Variants in HS3ST4 observed in about 807,000 individuals in gnomAD.
The protein encoded by HS3ST4 is heparan sulfate glucosamine 3-O-sulfotransferase 4.
A neutral mutation model predicts 29.2 loss-of-function variants in HS3ST4; 17 were observed. The ratio of observed to expected loss-of-function variants is 0.58; its 90% CI spans 0.40 to 0.87. The LOEUF (loss-of-function observed/expected upper bound fraction) is 0.87, where lower values mean the gene tolerates loss of function less well. HS3ST4 is among the 40% of genes least tolerant of loss of function. The probability of loss-of-function intolerance (pLI) is 0.00; values close to 1 mark genes in which losing one functional copy is unlikely to be tolerated. For synonymous variants in HS3ST4, 314 were observed against 285.7 expected (o/e 1.10, Z -1.00); for missense variants, 627 against 634.5 (o/e 0.99, Z 0.13).
At position 26,064,828 on chromosome 16, in the gene HS3ST4, G is replaced by C. The variant is rs1392479884; in HGVS notation, c.735-70784G>C. Among the ~76,000 whole-genome samples, 4 of 152,002 alleles carry C rather than the reference G, an allele frequency of 2.6e-5. No individual in the cohort carries two copies. In the East Asian group the frequency reaches 5.8e-4, roughly 22 times the overall value. On this transcript the variant is annotated intron_variant, in intron 1 of 1. Coordinates refer to ENST00000331351, the MANE Select transcript of HS3ST4 (RefSeq NM_006040.3). ...GACGAGGTTTCCCCATGTTGGTCAGGCTGGTCTCGAACTCCCAACCTCAGG... is the reference window on the plus strand; with the variant it reads ...GACGAGGTTTCCCCATGTTGGTCAGCCTGGTCTCGAACTCCCAACCTCAGG...
At chr16:25,922,102 G>A (rs373380323) in intron 1 of HS3ST4, among the ~76,000 whole-genome samples, 80 of 152,238 alleles carry the variant, frequency 5.3e-4, no homozygotes, top group African/African-American at 1.9e-3. Flanking sequence ...TAATGGCCAT[G>A]GGCTGACTTA....
intron 1 of HS3ST4, among the ~76,000 whole-genome samples, chr16:25,872,733 A>T (rs539460621): frequency 6.6e-6 from 1 of 152,340 alleles, no homozygotes. Flanking sequence ...ACAAGGCTAG[A>T]TTCAAAGAGT....
At chr16:26,047,563 A>G (rs1293010029) in intron 1 of HS3ST4, among the ~76,000 whole-genome samples, 2 of 152,190 alleles carry the variant, frequency 1.3e-5, no homozygotes, top group Non-Finnish European at 2.9e-5. Context: ...TTTCCAGGTG[A>G]GAAGATGAGA....
chr16:25,737,833 G>A (rs1966620708), intron 1 of HS3ST4, among the ~76,000 whole-genome samples: 8 of 151,886 alleles, frequency 5.3e-5, no homozygotes, highest in Admixed American at 5.2e-4. Context: ...GCAGCATCTG[G>A]GCAGCAAAAC....
At chr16:25,741,390 A>AAAG (rs1596557792) in intron 1 of HS3ST4, among the ~76,000 whole-genome samples, 2 of 144,022 alleles carry the variant, frequency 1.4e-5, no homozygotes, top group Non-Finnish European at 3.0e-5. Flanking sequence ...AAAAAAAAAA[A>AAAG]GGCGGGGGGA....
intron 1 of HS3ST4, among the ~76,000 whole-genome samples, chr16:25,887,691 ATTTTTTTTTT>A (rs768447504): frequency 1.1e-5 from 1 of 91,500 alleles, no homozygotes; most frequent in African/African-American, 4.8e-5. Context: ...GCTACACCTG[ATTTTTTTTTT>A]TTTTTTTTTT....
chr16:25,986,602 A>G (rs566389603), intron 1 of HS3ST4, among the ~76,000 whole-genome samples: 3 of 152,336 alleles, frequency 2.0e-5, no homozygotes, highest in Non-Finnish European at 4.4e-5. Context: ...CAGTGTCCAT[A>G]AAAATGTTAT....
intron 1 of HS3ST4, among the ~76,000 whole-genome samples, chr16:25,819,901 C>T (rs1238208815): frequency 6.6e-6 from 1 of 150,590 alleles, no homozygotes; most frequent in Non-Finnish European, 1.5e-5. Flanking sequence ...ACTCTAGCTA[C>T]TTGGGAGGCT....
Position 25,716,154 on chromosome 16 carries a change from G to T in HS3ST4, c.734+23003G>T, listed in dbSNP as rs142390406. Among the ~76,000 whole-genome samples, 479 of 152,354 alleles carry T rather than the reference G, an allele frequency of 3.1e-3. 2 individuals carry two copies. The highest frequency in any genetic ancestry group is 0.011 in the African/African-American group (454 of 41,580). On this transcript the variant is annotated intron_variant, in intron 1 of 1. Transcript: ENST00000331351. ...AACAAGATGAGTTGCTGTGGATGGT[G>T]CTTCTGCAGACTTCTTTTCCCATAT...
chr16:26,008,154 A>G (rs1969275295), intron 1 of HS3ST4, among the ~76,000 whole-genome samples: 1 of 152,200 alleles, frequency 6.6e-6, no homozygotes, highest in Non-Finnish European at 1.5e-5. Context: ...TCTTCAAAAG[A>G]GAGTGAAGTC....
At chr16:26,114,493 G>T (rs140606434) in intron 1 of HS3ST4, among the ~76,000 whole-genome samples, 8 of 152,102 alleles carry the variant, frequency 5.3e-5, no homozygotes, top group Non-Finnish European at 1.2e-4. Flanking sequence ...GACTTTCCCC[G>T]GGAGTCTATT....
chr16:25,828,996 A>T (rs1349899743), intron 1 of HS3ST4, among the ~76,000 whole-genome samples: 1 of 152,244 alleles, frequency 6.6e-6, no homozygotes, highest in East Asian at 1.9e-4. Context: ...AATAAATAGC[A>T]TTCCTCTCTT....
At chr16:26,036,850 G>T (rs1969587698) in intron 1 of HS3ST4, among the ~76,000 whole-genome samples, 1 of 152,170 alleles carries the variant, frequency 6.6e-6, no homozygotes. Context: ...GCATTGGAAA[G>T]AGCTCATAGG....
intron 1 of HS3ST4, among the ~76,000 whole-genome samples, chr16:25,717,049 T>C (rs938132720): frequency 1.3e-5 from 2 of 151,764 alleles, no homozygotes; most frequent in East Asian, 1.9e-4. Flanking sequence ...AGCAAAACTT[T>C]GTCTTAAAAA....
intron 1 of HS3ST4, among the ~76,000 whole-genome samples, chr16:25,823,663 C>T (rs917199294): frequency 4.6e-5 from 7 of 152,058 alleles, no homozygotes; most frequent in East Asian, 1.9e-4. Context: ...CAGGTTCAAG[C>T]GATTCTCGTG....
At chr16:25,947,193 ACT>A in intron 1 of HS3ST4, among the ~76,000 whole-genome samples, 1 of 152,034 alleles carries the variant, frequency 6.6e-6, no homozygotes. Flanking sequence ...TCATTTGAAG[ACT>A]CTCCATTGCT....
intron 1 of HS3ST4, among the ~76,000 whole-genome samples, chr16:25,977,033 G>A (rs768671439): frequency 1.3e-5 from 2 of 152,124 alleles, no homozygotes; most frequent in Non-Finnish European, 2.9e-5. Flanking sequence ...ACAGTTTGTG[G>A]ACCCCTCACC....
chr16:25,930,994 G>A (rs2141687481), intron 1 of HS3ST4, among the ~76,000 whole-genome samples: 1 of 152,204 alleles, frequency 6.6e-6, no homozygotes, highest in East Asian at 1.9e-4. Flanking sequence ...GGCTGGTCTT[G>A]AACTCCTAAG....
At chr16:26,103,460 T>C (rs1899012993) in intron 1 of HS3ST4, among the ~76,000 whole-genome samples, 1 of 152,180 alleles carries the variant, frequency 6.6e-6, no homozygotes, top group Non-Finnish European at 1.5e-5. Context: ...CGTTAACAGA[T>C]ACTAAATGTG....
Sources: allele counts gnomAD v4.1 joint callset (sites outside exome capture counted in the v4.1 genomes callset), GRCh38; gene constraint gnomAD v4.1.1; transcripts MANE v1.5; gene names NCBI Gene and HGNC (gene_info 2026-07-23, HGNC 2026-07-21).